SIPA1: variants seen among roughly 807,000 people sequenced by gnomAD.
The protein encoded by SIPA1 is signal-induced proliferation-associated 1, also known as signal-induced proliferation-associated protein 1.
In SIPA1, 51 loss-of-function variants were observed where a neutral mutation model predicts 88.1. The ratio of observed to expected loss-of-function variants is 0.58; its 90% CI spans 0.46 to 0.73. SIPA1 has a LOEUF of 0.73. SIPA1 is among the 30% of genes least tolerant of loss of function. The pLI is 0.00. For missense variants in SIPA1, 1,348 were observed against 1,467.6 expected (o/e 0.92, Z 1.33); for synonymous variants, 681 against 664.8 (o/e 1.02, Z -0.37).
rs1360406208 is a variant in SIPA1 at position 65,645,222 on chromosome 11, G to T, written c.1159+93G>T. 17 of 1,305,400 alleles carry T rather than the reference G, an allele frequency of 1.3e-5. No individual in the cohort carries two copies. In the Admixed American group the frequency reaches 2.6e-4, roughly 20 times the overall value. The allele number at this position is 1,305,400 out of a possible 1,614,324, so 80.9% of individuals were successfully genotyped here. On this transcript the variant is annotated intron_variant, in intron 5 of 15. Transcript: ENST00000534313. ...CACTCCTTTGTCCGTACAATCCTGG[G>T]GCTGGGGACTGGAGAGTTCTTTGGG...
At chr11:65,638,343 T>A (rs1255919591) in intron 1 of SIPA1, 161 bp downstream of exon 1, 1 of 152,268 alleles carries the variant, frequency 6.6e-6, no homozygotes, top group Non-Finnish European at 1.5e-5. Flanking sequence ...CAGTCCCGAG[T>A]CAATATGTCC....
At chr11:65,648,332 G>A (rs1451080716) in intron 9 of SIPA1, among the ~76,000 whole-genome samples, 1 of 151,874 alleles carries the variant, frequency 6.6e-6, no homozygotes, top group Admixed American at 6.6e-5. Flanking sequence ...CTAAGCCAGG[G>A]GTAGGCAAAC....
Position 65,646,818 on chromosome 11 carries a change from C to T in SIPA1, c.1784C>T (p.Ala595Val). 1 of 1,292,464 alleles carries T rather than the reference C, an allele frequency of 7.7e-7. No homozygotes were observed. The highest frequency in any genetic ancestry group is 9.8e-7 in the Non-Finnish European group (1 of 1,022,024). 80.1% of individuals were successfully genotyped at this position (1,292,464 alleles called of 1,614,324 possible). ...GCGGCGCCCGGGGCGCGGGTCGCCG[C>T]CGGGGCTCAGGCGAGCGGCCCCGAA... ...VRAAPGARVAAGAQASGPEGI... is the reference protein window; with the variant it reads ...VRAAPGARVAVGAQASGPEGI... The change falls in exon 8 of 16, where the codon GCC becomes GTC. Residue 595 changes from alanine to valine, a missense_variant. This residue lies in a region of SIPA1 where 68 missense variants were observed against 59.0 expected (regional missense o/e 1.15). Transcript: ENST00000534313. This position sits in a 1 kb window ranked among gnomAD's most constrained non-coding sequence, Gnocchi z 7.5.
rs1440358979 is a variant in SIPA1 at position 65,646,784 on chromosome 11, G to C, written c.1750G>C (p.Gly584Arg). Reference protein sequence around the residue: ...ELQAAGSLVWGVRAAPGARVA... With the variant: ...ELQAAGSLVWRVRAAPGARVA... ...GCAGGCAGCGGGCTCACTGGTGTGG[G>C]GAGTGCGCGCGGCGCCCGGGGCGCG... is the stretch of plus-strand genomic sequence containing the variant. Residue 584 changes from glycine (G) to arginine (R), a missense_variant, in exon 8 of 16, where the codon GGA becomes CGA. This residue lies in a region of SIPA1 where 68 missense variants were observed against 59.0 expected (regional missense o/e 1.15). Coordinates refer to ENST00000534313, the MANE Select transcript of SIPA1 (RefSeq NM_006747.4). This position sits in a 1 kb window ranked among gnomAD's most constrained non-coding sequence, Gnocchi z 7.5. The C allele has an allele frequency of 1.4e-6, 2 of 1,389,618 alleles. No homozygotes were observed. Among genetic ancestry groups the C allele is most frequent in the Admixed American group, 6.7e-5 (2 of 29,930 alleles). 86.1% of individuals were successfully genotyped at this position (1,389,618 alleles called of 1,614,324 possible).
chr11:65,642,048 A>C lies in SIPA1; in HGVS notation c.680-202A>C. 1 of 700,672 alleles carries C rather than the reference A, an allele frequency of 1.4e-6. No homozygotes were observed. The highest frequency in any genetic ancestry group is 2.0e-5 in the South Asian group (1 of 49,398). 43.4% of individuals were successfully genotyped at this position (700,672 alleles called of 1,614,324 possible). ...GCCTGGGAGCTGGCCGCGTGGGTCT[A>C]GGTCTGGGTCTGGGTCCACCTCTGG... On this transcript the variant is annotated intron_variant, in intron 2 of 15. Transcript: ENST00000534313. This position sits in a 1 kb window ranked among gnomAD's most constrained non-coding sequence, Gnocchi z 6.5.
Position 65,646,715 on chromosome 11 carries a change from G to T in SIPA1, c.1681G>T (p.Gly561Cys). ...SASRFGLPSL[G>C]GRRRAAPRGP... ...TTCACGCTTCGGCCTGCCCTCCCTG[G>T]GTGGGAGGCGCCGGGCGGCCCCTCG... Residue 561 changes from glycine to cysteine, a missense_variant, in exon 8 of 16, where the codon GGT becomes TGT. This residue lies in a region of SIPA1 where 641 missense variants were observed against 797.7 expected (regional missense o/e 0.80). Transcript: ENST00000534313. The surrounding 1 kb of genome is among the most constrained non-coding windows in gnomAD (Gnocchi z 7.5). 1 of 1,536,880 alleles carries T rather than the reference G, an allele frequency of 6.5e-7. No homozygotes were observed.
At chr11:65,649,058 G>A (rs1017248944) in intron 9 of SIPA1, 6 of 531,542 alleles carry the variant, frequency 1.1e-5, no homozygotes, top group Admixed American at 6.9e-5. Context: ...AGAGTGATTT[G>A]CTTGGGATAT....
intron 11 of SIPA1, 22 bp from the exon 12 acceptor site, chr11:65,649,735 T>A: frequency 6.2e-7 from 1 of 1,614,064 alleles, no homozygotes; most frequent in Non-Finnish European, 8.5e-7. Context: ...TCACTGAATC[T>A]GTATCCACTT....
At chr11:65,641,798 C>A (rs1342184451) in intron 2 of SIPA1, among the ~76,000 whole-genome samples, 198 bp downstream of exon 2, 1 of 152,146 alleles carries the variant, frequency 6.6e-6, no homozygotes, top group Non-Finnish European at 1.5e-5. Flanking sequence ...GGCTCCTCAC[C>A]CCCAGCCAGG....
chr11:65,650,763 G>GC lies in SIPA1; in HGVS notation c.*51dup, dbSNP rs1284215767. ...CCTGAGGGCACTGTGGTCACACTGG[G>GC]CCCTCCTCAGGAACTCTCCCTGCGC... On this transcript the variant is annotated 3_prime_UTR_variant, in exon 16 of 16. Coordinates refer to ENST00000534313, the MANE Select transcript of SIPA1 (RefSeq NM_006747.4). The GC allele has an allele frequency of 1.5e-5, 22 of 1,491,076 alleles. No individual in the cohort carries two copies. The highest frequency in any genetic ancestry group is 2.0e-5 in the Non-Finnish European group (22 of 1,117,916). 92.4% of individuals were successfully genotyped at this position (1,491,076 alleles called of 1,614,324 possible).
intron 5 of SIPA1, among the ~76,000 whole-genome samples, chr11:65,645,600 A>C (rs978188323): frequency 1.3e-5 from 2 of 151,984 alleles, no homozygotes; most frequent in Non-Finnish European, 2.9e-5. Context: ...TTCTGTCTTC[A>C]TTCTATTTCA....
chr11:65,647,561 C>G lies in SIPA1; in HGVS notation c.2209C>G (p.Pro737Ala), dbSNP rs762306454. The G allele has an allele frequency of 7.5e-7, 1 of 1,328,578 alleles. No homozygotes were observed. Among genetic ancestry groups the G allele is most frequent in the East Asian group, 3.5e-5 (1 of 28,932 alleles). 82.3% of individuals were successfully genotyped at this position (1,328,578 alleles called of 1,614,324 possible). The change falls in exon 9 of 16, where the codon CCC (proline) becomes GCC (alanine). Residue 737 changes from proline (P) to alanine (A), a missense_variant. By Grantham distance (27) the Pro-to-Ala change is conservative. Around this residue, in one of 4 missense-constraint regions of SIPA1, gnomAD observed 615 missense variants for 559.8 expected, o/e 1.10. Coordinates refer to ENST00000534313, the MANE Select transcript of SIPA1 (RefSeq NM_006747.4). ...RLLRVCGQTL[P>A]SLRPEAAAQL... ...CCTGCGCGTGTGCGGCCAGACTCTG[C>G]CCAGCCTCCGGCCCGAGGCCGCTGC...
In SIPA1 at chr11:65,650,602, G is replaced by C; in HGVS notation, c.3016G>C (p.Val1006Leu). The C allele has an allele frequency of 6.3e-7, 1 of 1,588,944 alleles. No homozygotes were observed. Among genetic ancestry groups the C allele is most frequent in the Non-Finnish European group, 8.6e-7 (1 of 1,167,492 alleles). Residue 1006 changes from valine to leucine, a missense_variant, in exon 16 of 16, where the codon GTG becomes CTG. Around this residue, in one of 4 missense-constraint regions of SIPA1, gnomAD observed 615 missense variants for 559.8 expected, o/e 1.10. Coordinates refer to ENST00000534313, the MANE Select transcript of SIPA1 (RefSeq NM_006747.4). ...KADRAALEEE[V>L]RSLRHNNRRL... Reference sequence around the variant, plus strand: ...GGACAGGGCGGCCCTGGAGGAGGAGGTGCGGAGCCTGAGACACAACAACCG... The same window carrying C: ...GGACAGGGCGGCCCTGGAGGAGGAGCTGCGGAGCCTGAGACACAACAACCG...
Position 65,642,049 on chromosome 11 carries a change from G to C in SIPA1, c.680-201G>C. On this transcript the variant is annotated intron_variant, in intron 2 of 15. Coordinates refer to ENST00000534313, the MANE Select transcript of SIPA1 (RefSeq NM_006747.4). The surrounding 1 kb of genome is among the most constrained non-coding windows in gnomAD (Gnocchi z 6.5). ...CCTGGGAGCTGGCCGCGTGGGTCTAGGTCTGGGTCTGGGTCCACCTCTGGG... is the reference window on the plus strand; with the variant it reads ...CCTGGGAGCTGGCCGCGTGGGTCTACGTCTGGGTCTGGGTCCACCTCTGGG... 1.4e-6 allele frequency: 1 copy of C among 714,902 alleles called. No individual in the cohort carries two copies. The highest frequency in any genetic ancestry group is 2.2e-6 in the Non-Finnish European group (1 of 448,960). 44.3% of individuals were successfully genotyped at this position (714,902 alleles called of 1,614,324 possible).
In SIPA1 at chr11:65,649,936, C is replaced by T; in HGVS notation, c.2747-14C>T. ...CTGGGCTTCCCTAGCTCAGCCTGCT[C>T]CTTGTGCCCACAGTCATGTCGGAGG... On this transcript the variant is annotated splice_polypyrimidine_tract_variant and intron_variant, in intron 12 of 15. Transcript: ENST00000534313. The T allele has an allele frequency of 1.2e-6, 2 of 1,613,874 alleles. No individual in the cohort carries two copies. Among genetic ancestry groups the T allele is most frequent in the Non-Finnish European group, 1.7e-6 (2 of 1,179,870 alleles).
Position 65,646,267 on chromosome 11 carries a change from T to A in SIPA1, c.1310T>A (p.Phe437Tyr). ...GGCAACGACATTGTGACCATCGTGTTCCAGGAGCCTGGCAGCAAGCCCTTC... is the reference window on the plus strand; with the variant it reads ...GGCAACGACATTGTGACCATCGTGTACCAGGAGCCTGGCAGCAAGCCCTTC... ...HIGNDIVTIV[F>Y]QEPGSKPFCP... is the part of the protein sequence containing the mutation. The change falls in exon 7 of 16, where the codon TTC becomes TAC. Residue 437 changes from phenylalanine to tyrosine, a missense_variant. Physicochemically the swap from Phe to Tyr is conservative, Grantham distance 22. Around this residue, in one of 4 missense-constraint regions of SIPA1, gnomAD observed 641 missense variants for 797.7 expected, o/e 0.80. Coordinates refer to ENST00000534313, the MANE Select transcript of SIPA1 (RefSeq NM_006747.4). This position sits in a 1 kb window ranked among gnomAD's most constrained non-coding sequence, Gnocchi z 7.5. The A allele has an allele frequency of 6.2e-7, 1 of 1,614,126 alleles. No individual in the cohort carries two copies. The highest frequency in any genetic ancestry group is 8.5e-7 in the Non-Finnish European group (1 of 1,179,988).
intron 14 of SIPA1, 49 bp downstream of exon 14, chr11:65,650,241 C>A: frequency 6.3e-7 from 1 of 1,592,696 alleles, no homozygotes; most frequent in Non-Finnish European, 8.6e-7. Flanking sequence ...ACATGACCCC[C>A]CCTTCGTGCC....
Position 65,642,567 on chromosome 11 carries a change from C to T in SIPA1, c.912C>T (p.Ser304=). 1.2e-6 allele frequency: 2 copies of T among 1,600,304 alleles called. No individual in the cohort carries two copies. The highest frequency in any genetic ancestry group is 1.7e-6 in the Non-Finnish European group (2 of 1,177,634). ...KLLEHVAPQL[S]PSCLRLGSAS... is the part of the protein sequence containing the mutation. The stretch of plus-strand genomic sequence containing the variant: ...TGGAGCACGTGGCGCCGCAGCTGAG[C>T]CCCAGCTGCCTGCGCCTGGGCTCAG... Residue 304 remains serine, a synonymous_variant, in exon 4 of 16, where the codon AGC becomes AGT. Transcript: ENST00000534313. This position sits in a 1 kb window ranked among gnomAD's most constrained non-coding sequence, Gnocchi z 6.5.
chr11:65,646,445 C>T lies in SIPA1; in HGVS notation c.1422-11C>T. 2 of 1,590,178 alleles carry T rather than the reference C, an allele frequency of 1.3e-6. No homozygotes were observed. Among genetic ancestry groups the T allele is most frequent in the Non-Finnish European group, 1.7e-6 (2 of 1,172,392 alleles). ...TCCTGCCGCCCCTCACTAACGCCTC[C>T]CTCCCCGCAGGGTGGCCGTGAGCCG... On this transcript the variant is annotated splice_polypyrimidine_tract_variant and intron_variant, in intron 7 of 15. Coordinates refer to ENST00000534313, the MANE Select transcript of SIPA1 (RefSeq NM_006747.4). The surrounding 1 kb of genome is among the most constrained non-coding windows in gnomAD (Gnocchi z 7.5).
Sources: gnomAD v4.1 joint callset for allele counts (sites outside exome capture counted in the v4.1 genomes callset) on GRCh38, gnomAD v4.1.1 for gene constraint, gnomAD v4.1.1 regional missense constraint, Gnocchi (gnomAD v3.1) non-coding constraint, MANE v1.5 for transcripts, NCBI Gene and HGNC (gene_info 2026-07-23, HGNC 2026-07-21) for gene names.